PHF24: variants seen among roughly 807,000 people sequenced by gnomAD.
The protein encoded by PHF24 is Galpha inhibitory interacting protein.
A neutral mutation model predicts 42.6 loss-of-function variants in PHF24; 25 were observed. That is an observed-to-expected ratio of 0.59 (90% CI 0.43 to 0.82). The LOEUF (loss-of-function observed/expected upper bound fraction) is 0.82. Among genes scored for constraint, PHF24 ranks in the 40% least tolerant of loss-of-function variants. The pLI is 0.00. For missense variants in PHF24, 470 were observed against 538.1 expected, an observed-to-expected ratio of 0.87 and a Z score of 1.25; for synonymous variants, 185 against 204.8, an observed-to-expected ratio of 0.90 and a Z score of 0.83.
At chr9:34,923,872 T>TTTTCG in the PHF24 span, among the ~76,000 whole-genome samples, 2 of 152,090 alleles carry the variant, frequency 1.3e-5, no homozygotes, top group African/African-American at 2.4e-5. Context: ...TGCCCTTTTC[T>TTTTCG]AGGTTTTTAG....
At chr9:34,919,845 T>C in the PHF24 span, among the ~76,000 whole-genome samples, 12 of 152,292 alleles carry the variant, frequency 7.9e-5, no homozygotes, top group South Asian at 2.5e-3. Context: ...TAACATAATG[T>C]CCTCCAGTCC....
At chr9:34,854,784 G>C in the PHF24 span, among the ~76,000 whole-genome samples, 5 of 152,096 alleles carry the variant, frequency 3.3e-5, no homozygotes, top group African/African-American at 1.2e-4. Context: ...TGTAGATATC[G>C]ATCAGGTCCA....
chr9:34,680,681 C>T, the PHF24 span, among the ~76,000 whole-genome samples: 22 of 111,860 alleles, frequency 2.0e-4, 1 homozygote, highest in South Asian at 1.8e-3. Context: ...GAGCGAGACT[C>T]CGTCTCAAAA....
chr9:34,720,521 C>T, the PHF24 span, among the ~76,000 whole-genome samples: 1 of 151,604 alleles, frequency 6.6e-6, no homozygotes, highest in South Asian at 2.1e-4. Flanking sequence ...CTTTTTCCAG[C>T]TCTTGGCTCC....
chr9:34,707,490 A>T, the PHF24 span, among the ~76,000 whole-genome samples: 1 of 152,214 alleles, frequency 6.6e-6, no homozygotes. Flanking sequence ...ACATTTCAAA[A>T]GTAGTATTTC....
chr9:34,802,857 T>A, the PHF24 span, among the ~76,000 whole-genome samples: 5 of 152,212 alleles, frequency 3.3e-5, no homozygotes, highest in Non-Finnish European at 7.3e-5. Context: ...GTGTTTCACT[T>A]TGACCTTCAC....
chr9:34,900,039 C>T, the PHF24 span, among the ~76,000 whole-genome samples: 4 of 152,274 alleles, frequency 2.6e-5, no homozygotes, highest in African/African-American at 7.2e-5. Flanking sequence ...ATGTCTCTCC[C>T]CTCACACTCA....
intron 1 of PHF24, among the ~76,000 whole-genome samples, chr9:34,959,930 A>G (rs947807675): frequency 2.6e-5 from 4 of 152,208 alleles, no homozygotes; most frequent in African/African-American, 9.6e-5. Flanking sequence ...CCGGTGGACA[A>G]TGGTCCACAG....
the PHF24 span, chr9:34,918,018 C>T: frequency 8.0e-7 from 1 of 1,255,112 alleles, no homozygotes; most frequent in East Asian, 2.3e-5. Context: ...CAAGCGACAC[C>T]AGTACCACAT....
At chr9:34,889,832 C>T in the PHF24 span, among the ~76,000 whole-genome samples, 1 of 152,268 alleles carries the variant, frequency 6.6e-6, no homozygotes, top group East Asian at 1.9e-4. Context: ...AAAATTTTGG[C>T]CCAGCAAGTA....
the PHF24 span, chr9:34,723,652 CATCACCAGCCCATGCAA>C: frequency 6.4e-7 from 1 of 1,551,650 alleles, no homozygotes; most frequent in Non-Finnish European, 8.7e-7. Context: ...CATGGACTGG[CATCACCAGCCCATGCAA>C]AACTTGGCCT....
chr9:34,768,383 T>G, the PHF24 span, among the ~76,000 whole-genome samples: 4 of 152,326 alleles, frequency 2.6e-5, no homozygotes, highest in South Asian at 8.3e-4. Flanking sequence ...CTTATGCTAT[T>G]CTGGGGTGTA....
At chr9:34,976,399 G>A (rs1163005370) in intron 4 of PHF24, 136 bp from the exon 5 acceptor site, 1 of 1,054,546 alleles carries the variant, frequency 9.5e-7, no homozygotes, top group Non-Finnish European at 1.4e-6. Context: ...GTCACAGCCT[G>A]GGTGACCCTG....
intron 1 of PHF24, among the ~76,000 whole-genome samples, chr9:34,964,826 C>CG (rs1826713040): frequency 6.6e-6 from 1 of 152,156 alleles, no homozygotes; most frequent in African/African-American, 2.4e-5. Flanking sequence ...CTTCTTGTCC[C>CG]GCTGTTATAT....
chr9:34,788,533 G>T, the PHF24 span, among the ~76,000 whole-genome samples: 1 of 152,094 alleles, frequency 6.6e-6, no homozygotes, highest in African/African-American at 2.4e-5. Context: ...TCTTTTCAAG[G>T]ATACTAGGAT....
the PHF24 span, among the ~76,000 whole-genome samples, chr9:34,930,266 T>C: frequency 6.6e-6 from 1 of 152,194 alleles, no homozygotes; most frequent in African/African-American, 2.4e-5. Context: ...GATAACCTGG[T>C]TGACTCTTCC....
At chr9:34,729,493 A>C in the PHF24 span, 1 of 1,490,100 alleles carries the variant, frequency 6.7e-7, no homozygotes, top group Non-Finnish European at 9.0e-7. Context: ...TCTGGTGCCT[A>C]ATGAATCCCA....
exon 5 of PHF24, chr9:34,976,602 C>A: frequency 6.2e-7 from 1 of 1,614,196 alleles, no homozygotes; most frequent in Non-Finnish European, 8.5e-7. Flanking sequence ...GGGACCGTGA[C>A]AGGGCCCTGA....
chr9:34,736,921 A>G, the PHF24 span, among the ~76,000 whole-genome samples: 2 of 152,130 alleles, frequency 1.3e-5, no homozygotes, highest in African/African-American at 4.8e-5. Context: ...CAAAAATGAG[A>G]GAGAGATAAA....
Sources: allele counts gnomAD v4.1 joint callset (sites outside exome capture counted in the v4.1 genomes callset), GRCh38; gene constraint gnomAD v4.1.1; transcripts MANE v1.5; gene names NCBI Gene and HGNC (gene_info 2026-07-23, HGNC 2026-07-21).